Variants in COL1A2 observed in about 807,000 individuals in gnomAD.
COL1A2 encodes collagen type I alpha 2 chain.
Under a neutral mutation model 174.3 loss-of-function variants are expected in COL1A2, and 49 were observed. The observed-to-expected ratio is 0.28, with a 90% CI of 0.22 to 0.36. The LOEUF (loss-of-function observed/expected upper bound fraction) is 0.36, where lower values mean the gene tolerates loss of function less well. Ranked by LOEUF, COL1A2 falls within the 10% of genes least tolerant of loss-of-function variation. COL1A2 has a pLI of 1.00. For synonymous variants in COL1A2, 655 were observed against 606.6 expected (o/e 1.08, Z -1.17); for missense variants, 1,438 against 1,822.7 (o/e 0.79, Z 3.84).
Position 94,409,596 on chromosome 7 carries a change from C to T in COL1A2, c.924C>T (p.Ala308=). 6.2e-7 allele frequency: 1 copy of T among 1,614,148 alleles called. No homozygotes were observed. The highest frequency in any genetic ancestry group is 8.5e-7 in the Non-Finnish European group (1 of 1,180,016). Reference sequence around the variant, plus strand: ...CTGGAGCAAACGGCCTTACTGGTGCCAAGGGTGCTGCTGTGAGTATACCTG... The same window carrying T: ...CTGGAGCAAACGGCCTTACTGGTGCTAAGGGTGCTGCTGTGAGTATACCTG... ...GNPGANGLTG[A]KGAAGLPGVA... Residue 308 remains alanine (A), a synonymous_variant, in exon 18 of 52, where the codon GCC becomes GCT. Coordinates refer to ENST00000297268, the MANE Select transcript of COL1A2 (RefSeq NM_000089.4).
chr7:94,423,061 A>T lies in COL1A2; in HGVS notation c.2508A>T (p.Ala836=), dbSNP rs563505012. ...GPVGRTGEVG[A]VGPPGFAGEK... ...TTGGCCGAACTGGAGAAGTAGGTGCAGTTGGTCCCCCTGGCTTCGCTGGTG... is the reference window on the plus strand; with the variant it reads ...TTGGCCGAACTGGAGAAGTAGGTGCTGTTGGTCCCCCTGGCTTCGCTGGTG... Residue 836 remains alanine (A), a synonymous_variant, in exon 40 of 52, where the codon GCA becomes GCT. Transcript: ENST00000297268. The T allele has an allele frequency of 6.2e-7, 1 of 1,614,024 alleles. No homozygotes were observed. The highest frequency in any genetic ancestry group is 8.5e-7 in the Non-Finnish European group (1 of 1,180,016).
chr7:94,406,884 C>G (rs1441423590), intron 12 of COL1A2, among the ~76,000 whole-genome samples: 1 of 152,080 alleles, frequency 6.6e-6, no homozygotes, highest in African/African-American at 2.4e-5. Flanking sequence ...AAAGTGAATA[C>G]CAACGTAATT....
chr7:94,410,090 C>T, intron 19 of COL1A2, 152 bp from the exon 20 acceptor site: 1 of 846,036 alleles, frequency 1.2e-6, no homozygotes, highest in Non-Finnish European at 2.0e-6. Context: ...TAATACCATT[C>T]CCCTGTACTC....
At position 94,425,173 on chromosome 7, in the gene COL1A2, T is replaced by C; in HGVS notation, c.2730T>C (p.Gly910=). The change falls in exon 42 of 52, where the codon GGT becomes GGC. Residue 910 remains glycine (G), a synonymous_variant. Transcript: ENST00000297268. ...AGPPGARGPP[G]AVGSPGVNGA... is the part of the protein sequence containing the mutation. ...CTCCTGGGGCCCGTGGTCCTCCTGG[T>C]GCTGTGGGTAGTCCTGGAGTCAACG... is the stretch of plus-strand genomic sequence containing the variant. 6.2e-7 allele frequency: 1 copy of C among 1,614,148 alleles called. No homozygotes were observed. The highest frequency in any genetic ancestry group is 8.5e-7 in the Non-Finnish European group (1 of 1,180,026).
intron 33 of COL1A2, 78 bp downstream of exon 33, chr7:94,418,630 A>T: frequency 9.2e-7 from 1 of 1,091,776 alleles, no homozygotes; most frequent in Non-Finnish European, 1.4e-6. Flanking sequence ...TTTCCAAATT[A>T]GAACTACACA....
Position 94,417,722 on chromosome 7 carries a change from A to C in COL1A2, c.1864-2A>C. On this transcript the variant is annotated splice_acceptor_variant, in intron 31 of 51. Transcript: ENST00000297268. LOFTEE classifies it high-confidence loss of function. The stretch of plus-strand genomic sequence containing the variant: ...ATTGATTTCACATGTGTTTGACTCA[A>C]GGGTGAACCTGGTGTGGTTGGTGCT... 2 of 1,586,596 alleles carry C rather than the reference A, an allele frequency of 1.3e-6. No individual in the cohort carries two copies. Among genetic ancestry groups the C allele is most frequent in the Non-Finnish European group, 1.7e-6 (2 of 1,165,268 alleles).
In COL1A2 at chr7:94,430,499, G is replaced by T; in HGVS notation, c.*106G>T. ...AAAGCTGAATCCTTCCATTTCTTCT[G>T]CACATCTACTTGCTTAAATTGTGGG... On this transcript the variant is annotated 3_prime_UTR_variant, in exon 52 of 52. Coordinates refer to ENST00000297268, the MANE Select transcript of COL1A2 (RefSeq NM_000089.4). 8.4e-7 allele frequency: 1 copy of T among 1,185,884 alleles called. No individual in the cohort carries two copies. 73.5% of individuals were successfully genotyped at this position (1,185,884 alleles called of 1,614,324 possible). A position where few individuals can be genotyped will look rare whatever the true frequency, so the allele number is the denominator to read the frequency against.
Position 94,409,302 on chromosome 7 carries a change from G to T in COL1A2, c.793-20G>T, listed in dbSNP as rs770146997. ...TTCATTATTTGCTGGTTAATTCCTT[G>T]GTTTAATTTCCTCTTTTAGGGTGAA... On this transcript the variant is annotated intron_variant, in intron 16 of 51. Coordinates refer to ENST00000297268, the MANE Select transcript of COL1A2 (RefSeq NM_000089.4). 8 of 1,605,614 alleles carry T rather than the reference G, an allele frequency of 5.0e-6. No homozygotes were observed. The highest frequency in any genetic ancestry group is 1.7e-4 in the Middle Eastern group (1 of 5,994).
chr7:94,426,393 A>G (rs1363331807), intron 45 of COL1A2, 30 bp from the exon 46 acceptor site: 1 of 1,546,034 alleles, frequency 6.5e-7, no homozygotes, highest in Non-Finnish European at 8.8e-7. Context: ...TAAAACGGTA[A>G]GTCTTATCCA....
chr7:94,429,500 C>A, intron 51 of COL1A2, 70 bp downstream of exon 51: 1 of 1,576,708 alleles, frequency 6.3e-7, no homozygotes, highest in East Asian at 2.2e-5. Flanking sequence ...TAGACTGCCC[C>A]CAAGGGGGGG....
Position 94,400,204 on chromosome 7 carries a change from A to G in COL1A2, c.141A>G (p.Pro47=). The G allele has an allele frequency of 6.2e-7, 1 of 1,613,082 alleles. No individual in the cohort carries two copies. Among genetic ancestry groups the G allele is most frequent in the Non-Finnish European group, 8.5e-7 (1 of 1,179,914 alleles). Residue 47 remains proline (P), a synonymous_variant, in exon 5 of 52, where the codon CCA becomes CCG. Transcript: ENST00000297268. ...CACTTTTTACATAACAGGGTCCACCAGGCCCCCCAGGCAGAGATGGTGAAG... is the reference window on the plus strand; with the variant it reads ...CACTTTTTACATAACAGGGTCCACCGGGCCCCCCAGGCAGAGATGGTGAAG... ...DRGPRGERGP[P]GPPGRDGEDG...
At position 94,408,293 on chromosome 7, in the gene COL1A2, T is replaced by A. The variant is rs540652924; in HGVS notation, c.694-43T>A. The A allele has an allele frequency of 3.8e-5, 62 of 1,613,758 alleles. 1 individual carries two copies. In the Middle Eastern group the frequency reaches 4.9e-4, roughly 13 times the overall value. Reference sequence around the variant, plus strand: ...CTTTTAAAAAATCTTCTAATGGCTGTCATTTAAGTTTCCACCTGATCTTCC... The same window carrying A: ...CTTTTAAAAAATCTTCTAATGGCTGACATTTAAGTTTCCACCTGATCTTCC... On this transcript the variant is annotated intron_variant, in intron 14 of 51. Coordinates refer to ENST00000297268, the MANE Select transcript of COL1A2 (RefSeq NM_000089.4).
chr7:94,415,673 A>T (rs1156830930), intron 30 of COL1A2, among the ~76,000 whole-genome samples: 1 of 152,182 alleles, frequency 6.6e-6, no homozygotes, highest in Admixed American at 6.5e-5. Context: ...AAGAAAAAAA[A>T]ACTTAGTTTC....
intron 32 of COL1A2, 42 bp downstream of exon 32, chr7:94,417,873 T>C (rs1197100921): frequency 1.3e-6 from 2 of 1,492,484 alleles, no homozygotes; most frequent in South Asian, 1.2e-5. Flanking sequence ...TGAACTCTAG[T>C]AAAGAAGGCT....
In COL1A2 at chr7:94,425,783, G is replaced by T; in HGVS notation, c.2869G>T (p.Val957Phe). The change falls in exon 44 of 52, where the codon GTT becomes TTT. Residue 957 changes from valine (V) to phenylalanine (F), a missense_variant. Coordinates refer to ENST00000297268, the MANE Select transcript of COL1A2 (RefSeq NM_000089.4). ...ERGYPGNIGP[V>F]GAAGAPGPHG... ...CGGTTACCCTGGCAATATTGGTCCC[G>T]TTGGTGCTGCAGGTGCACCTGGTCC... 2.5e-6 allele frequency: 4 copies of T among 1,613,154 alleles called. No homozygotes were observed. Among genetic ancestry groups the T allele is most frequent in the Non-Finnish European group, 3.4e-6 (4 of 1,179,644 alleles).
At chr7:94,429,131 A>T (rs1194227396) in intron 50 of COL1A2, 57 bp from the exon 51 acceptor site, 73 of 953,924 alleles carry the variant, frequency 7.7e-5, no homozygotes, top group Middle Eastern at 2.4e-4. Flanking sequence ...TTCATGTTTG[A>T]CTCTTAGTAT....
At chr7:94,401,543 AAT>A in intron 5 of COL1A2, 22 bp from the exon 6 acceptor site, 26 of 1,140,228 alleles carry the variant, frequency 2.3e-5, no homozygotes, top group South Asian at 2.6e-5. Flanking sequence ...ATATATATAT[AAT>A]TTTTTTTTTT....
Position 94,427,767 on chromosome 7 carries a change from T to C in COL1A2, c.3408T>C (p.Asp1136=). 6.2e-7 allele frequency: 1 copy of C among 1,614,158 alleles called. No individual in the cohort carries two copies. Among genetic ancestry groups the C allele is most frequent in the Admixed American group, 1.7e-5 (1 of 60,024 alleles). ...PSLRPKDYEV[D]ATLKSLNNQI... ...TCAGACCCAAGGACTATGAAGTTGA[T>C]GCTACTCTGAAGTCTCTCAACAACC... The change falls in exon 49 of 52, where the codon GAT becomes GAC. Residue 1136 remains aspartate, a synonymous_variant. Coordinates refer to ENST00000297268, the MANE Select transcript of COL1A2 (RefSeq NM_000089.4).
chr7:94,406,386 A>T, intron 12 of COL1A2, 83 bp downstream of exon 12: 1 of 1,215,648 alleles, frequency 8.2e-7, no homozygotes, highest in Non-Finnish European at 1.2e-6. Context: ...TATACTGAAG[A>T]CTACCCATAT....
Sources: allele counts gnomAD v4.1 joint callset (sites outside exome capture counted in the v4.1 genomes callset), GRCh38; gene constraint gnomAD v4.1.1; transcripts MANE v1.5; gene names NCBI Gene and HGNC (gene_info 2026-07-23, HGNC 2026-07-21).